PGM3: variants seen among roughly 807,000 people sequenced by gnomAD.
PGM3 encodes the protein phosphoacetylglucosamine mutase.
In PGM3, 40 loss-of-function variants were observed where a neutral mutation model predicts 66.2. The ratio of observed to expected loss-of-function variants is 0.60; its 90% CI spans 0.47 to 0.79. PGM3 has a LOEUF of 0.79. Among genes scored for constraint, PGM3 ranks in the 30% least tolerant of loss-of-function variants. The pLI, the probability that PGM3 is intolerant of heterozygous loss-of-function variation, is 0.00. For synonymous variants in PGM3, 191 were observed against 224.2 expected, an observed-to-expected ratio of 0.85 and a Z score of 1.32; for missense variants, 537 against 643.4, an observed-to-expected ratio of 0.83 and a Z score of 1.79.
In PGM3 at chr6:83,165,368, A is replaced by G. The variant is rs1479637545; in HGVS notation, c.*3866T>C. On this transcript the variant is annotated 3_prime_UTR_variant, in exon 13 of 13. Transcript: ENST00000513973. ...GTTTGTTTTTGACCAGAGATGATGA[A>G]GTAGGTGATCTTTTCTTGGTTTGCT... is the stretch of plus-strand genomic sequence containing the variant. The G allele has an allele frequency of 6.6e-6, 1 of 152,448 alleles. No individual in the cohort carries two copies. The highest frequency in any genetic ancestry group is 2.4e-5 in the African/African-American group (1 of 41,462). The allele number at this position is 152,448 out of a possible 1,614,324, so 9.4% of individuals were successfully genotyped here. A position where few individuals can be genotyped will look rare whatever the true frequency, so the allele number is the denominator to read the frequency against.
chr6:83,191,283 T>C lies in PGM3; in HGVS notation c.-2-269A>G, dbSNP rs1329957318. 2.0e-6 allele frequency: 3 copies of C among 1,508,144 alleles called. No individual in the cohort carries two copies. The East Asian group carries it at 7.4e-5, about 37-fold the overall frequency. The allele number at this position is 1,508,144 out of a possible 1,614,324, so 93.4% of individuals were successfully genotyped here. ...TCTCCTCCCATTTTAGCTCCAGGAC[T>C]ATCCTGGACGCCGGGCACACTTAAA... On this transcript the variant is annotated intron_variant, in intron 1 of 12. Coordinates refer to ENST00000513973, the MANE Select transcript of PGM3 (RefSeq NM_015599.3).
downstream of PGM3, chr6:83,164,682 C>T (rs576335098): frequency 6.3e-7 from 1 of 1,587,188 alleles, no homozygotes; most frequent in East Asian, 2.3e-5. Context: ...GACTTTAAGA[C>T]AGTGATTTTG....
rs373468710 is a variant in PGM3, at chr6:83,181,823, C to T, written c.700G>A (p.Val234Ile). 1 of 1,614,010 alleles carries T rather than the reference C, an allele frequency of 6.2e-7. No homozygotes were observed. The highest frequency in any genetic ancestry group is 8.5e-7 in the Non-Finnish European group (1 of 1,179,912). The change falls in exon 6 of 13, where the codon GTT becomes ATT. Residue 234 changes from valine (V) to isoleucine (I), a missense_variant. By Grantham distance (29) the Val-to-Ile change is conservative. Coordinates refer to ENST00000513973, the MANE Select transcript of PGM3 (RefSeq NM_015599.3). ...MEHYFSQGLS[V>I]QLFNDGSKGK... ...TTGGACCCATCATTAAACAGCTGAA[C>T]TGACAGGCCCTGTGAGAAGTAGTGT...
intron 8 of PGM3, among the ~76,000 whole-genome samples, chr6:83,178,182 T>C (rs13197685): frequency 0.21 from 32,661 of 152,156 alleles, 3,721 homozygotes; most frequent in Middle Eastern, 0.32. Flanking sequence ...TACTTGGTAA[T>C]AGGGATGGCC....
Position 83,168,426 on chromosome 6 carries a change from G to C in PGM3, c.*808C>G. The C allele has an allele frequency of 8.6e-7, 1 of 1,163,022 alleles. No homozygotes were observed. The allele number at this position is 1,163,022 out of a possible 1,614,324, so 72.0% of individuals were successfully genotyped here. ...TAAAGTCCATTGTTTTTATTGTCCT[G>C]AGTTGTCTTAAACCTGCAAAATATA... On this transcript the variant is annotated 3_prime_UTR_variant, in exon 13 of 13. Coordinates refer to ENST00000513973, the MANE Select transcript of PGM3 (RefSeq NM_015599.3).
downstream of PGM3, chr6:83,157,185 G>C (rs1300688058): frequency 6.2e-7 from 1 of 1,608,230 alleles, no homozygotes; most frequent in Non-Finnish European, 8.5e-7. Flanking sequence ...CTTTCAGAGA[G>C]ATTGGTTGAG....
chr6:83,190,407 G>C (rs745314495), intron 2 of PGM3: 1 of 171,644 alleles, frequency 5.8e-6, no homozygotes. Flanking sequence ...AATTATTGCC[G>C]AGCTATAAAA....
chr6:83,163,327 A>G (rs1784678663), downstream of PGM3, among the ~76,000 whole-genome samples: 2 of 152,316 alleles, frequency 1.3e-5, no homozygotes, highest in Admixed American at 1.3e-4. Flanking sequence ...ATGACAAACA[A>G]AAGTATGAGT....
At chr6:83,189,106 T>A (rs1255268516) in intron 2 of PGM3, among the ~76,000 whole-genome samples, 1 of 152,216 alleles carries the variant, frequency 6.6e-6, no homozygotes, top group African/African-American at 2.4e-5. Context: ...ATGTCAGTAC[T>A]GATATTAAAA....
rs761527986 is a variant in PGM3, at chr6:83,183,011, A to G, written c.458-33T>C. The G allele has an allele frequency of 3.8e-6, 6 of 1,596,596 alleles. No homozygotes were observed. In the South Asian group the frequency reaches 5.7e-5, roughly 15 times the overall value. On this transcript the variant is annotated intron_variant, in intron 4 of 12. Transcript: ENST00000513973. ...AGAAATACAAAAAGCAATTCACCGC[A>G]TTTCTTAACAAAGAGAAAAAAGTTT...
downstream of PGM3, among the ~76,000 whole-genome samples, chr6:83,156,360 T>G (rs1186223845): frequency 1.3e-5 from 2 of 152,200 alleles, no homozygotes; most frequent in African/African-American, 4.8e-5. Flanking sequence ...TGTTTGAGGA[T>G]GAGGTATAAG....
Position 83,190,849 on chromosome 6 carries a change from G to C in PGM3, c.164C>G (p.Ser55Cys). The change falls in exon 2 of 13, where the codon TCC becomes TGC. Residue 55 changes from serine to cysteine, a missense_variant. Coordinates refer to ENST00000513973, the MANE Select transcript of PGM3 (RefSeq NM_015599.3). ...LAVLRSKQTK[S>C]TIGVMVTASH... ...CGCTGTTACCATGACTCCTATAGTG[G>C]ATTTTGTCTGTTTTGACCTCAGGAC... 1 of 1,614,030 alleles carries C rather than the reference G, an allele frequency of 6.2e-7. No individual in the cohort carries two copies. The highest frequency in any genetic ancestry group is 8.5e-7 in the Non-Finnish European group (1 of 1,179,968).
At chr6:83,156,568 G>A (rs1040063284), downstream of PGM3, among the ~76,000 whole-genome samples, 3 of 152,132 alleles carry the variant, frequency 2.0e-5, no homozygotes, top group East Asian at 5.8e-4. Flanking sequence ...GTGACCTTCT[G>A]TATCCAGAAG....
the PGM3 span, chr6:83,155,837 AC>A: frequency 1.1e-5 from 14 of 1,280,856 alleles, no homozygotes; most frequent in African/African-American, 1.8e-4. Context: ...CAAGTTTTGT[AC>A]CCCAAGCTCC....
intron 4 of PGM3, among the ~76,000 whole-genome samples, chr6:83,186,509 AACAG>A (rs773881426): frequency 2.6e-4 from 40 of 152,340 alleles, no homozygotes; most frequent in Non-Finnish European, 5.0e-4. Context: ...GTGCCTTCAC[AACAG>A]ACACAGTGTG....
chr6:83,193,625 C>T (rs931821861), upstream of PGM3, among the ~76,000 whole-genome samples: 1 of 152,130 alleles, frequency 6.6e-6, no homozygotes, highest in Non-Finnish European at 1.5e-5. Context: ...GAATCAGCCC[C>T]GTCGCTGGGC....
Position 83,176,275 on chromosome 6 carries a change from G to A in PGM3, c.1030-215C>T. On this transcript the variant is annotated intron_variant, in intron 8 of 12. Transcript: ENST00000513973. ...GCCAAGGGTAAAGCACGGTGAGAGAGATGAGGGTCTCCTTATAAGACACGA... is the reference window on the plus strand; with the variant it reads ...GCCAAGGGTAAAGCACGGTGAGAGAAATGAGGGTCTCCTTATAAGACACGA... The A allele has an allele frequency of 6.5e-6, 3 of 458,526 alleles. No homozygotes were observed. In the South Asian group the frequency reaches 1.1e-4, roughly 17 times the overall value. The allele number at this position is 458,526 out of a possible 1,614,324, so 28.4% of individuals were successfully genotyped here.
At chr6:83,177,057 A>C (rs771718548) in intron 8 of PGM3, among the ~76,000 whole-genome samples, 2 of 152,154 alleles carry the variant, frequency 1.3e-5, no homozygotes, top group Non-Finnish European at 2.9e-5. Context: ...TAGGAACATC[A>C]CATGAAAATT....
At chr6:83,162,771 G>A, downstream of PGM3, 2 of 1,594,848 alleles carry the variant, frequency 1.3e-6, no homozygotes, top group Middle Eastern at 1.7e-4. Flanking sequence ...TGATGCTGAT[G>A]TCATTATTCT....
Sources: gnomAD v4.1 joint callset for allele counts (sites outside exome capture counted in the v4.1 genomes callset) on GRCh38, gnomAD v4.1.1 for gene constraint, MANE v1.5 for transcripts, NCBI Gene and HGNC (gene_info 2026-07-23, HGNC 2026-07-21) for gene names.